Variants in ZKSCAN5 observed in about 807,000 individuals in gnomAD.
The protein encoded by ZKSCAN5 is zinc finger with KRAB and SCAN domains 5.
A neutral mutation model predicts 60.0 loss-of-function variants in ZKSCAN5; 28 were observed. That is an observed-to-expected ratio of 0.47 (90% CI 0.35 to 0.64). ZKSCAN5 has a LOEUF of 0.64. ZKSCAN5 is among the 30% of genes least tolerant of loss of function. The pLI is 0.01. For synonymous variants in ZKSCAN5, 361 were observed against 371.2 expected (o/e 0.97, Z 0.31); for missense variants, 881 against 1,034.6 (o/e 0.85, Z 2.04).
At position 99,533,253 on chromosome 7, in the gene ZKSCAN5, T is replaced by G; in HGVS notation, c.*1004T>G. ...AGCTGGGATTGAAAGTAATCAGTCG[T>G]GAGCAGGCAGGCAGGAGGTCCTGTT... On this transcript the variant is annotated 3_prime_UTR_variant, in exon 7 of 7. Coordinates refer to ENST00000326775, the MANE Select transcript of ZKSCAN5 (RefSeq NM_145102.4). 1 of 690,090 alleles carries G rather than the reference T, an allele frequency of 1.4e-6. No individual in the cohort carries two copies. Among genetic ancestry groups the G allele is most frequent in the South Asian group, 1.5e-5 (1 of 66,304 alleles). The allele number at this position is 690,090 out of a possible 1,614,324, so 42.7% of individuals were successfully genotyped here.
chr7:99,528,632 G>A (rs531637886), intron 6 of ZKSCAN5, among the ~76,000 whole-genome samples: 1 of 152,246 alleles, frequency 6.6e-6, no homozygotes, highest in South Asian at 2.1e-4. Flanking sequence ...TGGCTCTGTT[G>A]CCCAGGCTGG....
intron 2 of ZKSCAN5, among the ~76,000 whole-genome samples, chr7:99,510,527 C>T (rs1267658755): frequency 6.6e-6 from 1 of 152,074 alleles, no homozygotes; most frequent in Non-Finnish European, 1.5e-5. Context: ...TCACTGCAAC[C>T]TCCACCTCCC....
Position 99,534,529 on chromosome 7 carries a change from T to C in ZKSCAN5, c.*2280T>C, listed in dbSNP as rs747884117. ...CCGGTCTCTACTTAAAATACAAAAA[T>C]TAGCTGGGCATAGTGGCGCATGCCT... is the stretch of plus-strand genomic sequence containing the variant. On this transcript the variant is annotated 3_prime_UTR_variant, in exon 7 of 7. Transcript: ENST00000326775. The C allele has an allele frequency of 2.0e-5, 3 of 152,072 alleles. No homozygotes were observed. Among genetic ancestry groups the C allele is most frequent in the Non-Finnish European group, 4.4e-5 (3 of 68,092 alleles). The allele number at this position is 152,072 out of a possible 1,614,324, so 9.4% of individuals were successfully genotyped here. A position where few individuals can be genotyped will look rare whatever the true frequency, so the allele number is the denominator to read the frequency against.
intron 2 of ZKSCAN5, among the ~76,000 whole-genome samples, chr7:99,509,324 A>T (rs1800910480): frequency 6.6e-6 from 1 of 152,010 alleles, no homozygotes; most frequent in Admixed American, 6.6e-5. Flanking sequence ...GTGTTTCACC[A>T]TGTTGGCCAG....
intron 2 of ZKSCAN5, among the ~76,000 whole-genome samples, chr7:99,509,423 C>T (rs1391567158): frequency 6.6e-6 from 1 of 151,850 alleles, no homozygotes; most frequent in Non-Finnish European, 1.5e-5. Context: ...CACGCCTGAC[C>T]ATATCTGTGA....
intron 2 of ZKSCAN5, among the ~76,000 whole-genome samples, chr7:99,510,608 C>A (rs1584169086): frequency 6.6e-6 from 1 of 151,876 alleles, no homozygotes; most frequent in African/African-American, 2.4e-5. Context: ...CCACACCAGG[C>A]TAACTTTGTA....
In ZKSCAN5 at chr7:99,532,337, G is replaced by A. The variant is rs371704742; in HGVS notation, c.*88G>A. 65 of 1,309,320 alleles carry A rather than the reference G, an allele frequency of 5.0e-5. No individual in the cohort carries two copies. In the East Asian group the frequency reaches 8.0e-4, roughly 16 times the overall value. The allele number at this position is 1,309,320 out of a possible 1,614,324, so 81.1% of individuals were successfully genotyped here. A position where few individuals can be genotyped will look rare whatever the true frequency, so the allele number is the denominator to read the frequency against. On this transcript the variant is annotated 3_prime_UTR_variant, in exon 7 of 7. Transcript: ENST00000326775. ...TAACAACTTCAAGCATTTTTCCAGCGTTACCATCAAACTCACAAATAGGTT... is the reference window on the plus strand; with the variant it reads ...TAACAACTTCAAGCATTTTTCCAGCATTACCATCAAACTCACAAATAGGTT...
intron 6 of ZKSCAN5, among the ~76,000 whole-genome samples, chr7:99,529,046 T>C (rs1328691066): frequency 6.6e-6 from 1 of 152,200 alleles, no homozygotes; most frequent in African/African-American, 2.4e-5. Context: ...TCCTGACTCC[T>C]AGTCAGATAT....
In ZKSCAN5 at chr7:99,533,780, C is replaced by T. The variant is rs1374634523; in HGVS notation, c.*1531C>T. 5.0e-6 allele frequency: 2 copies of T among 397,130 alleles called. No homozygotes were observed. The highest frequency in any genetic ancestry group is 1.4e-4 in the South Asian group (1 of 7,038). 24.6% of individuals were successfully genotyped at this position (397,130 alleles called of 1,614,324 possible). A position where few individuals can be genotyped will look rare whatever the true frequency, so the allele number is the denominator to read the frequency against. On this transcript the variant is annotated 3_prime_UTR_variant, in exon 7 of 7. Coordinates refer to ENST00000326775, the MANE Select transcript of ZKSCAN5 (RefSeq NM_145102.4). ...CTCCCTTCTCTATCCTGTTTCATTCCCTCCCTCAAAGGCGTTTCCCAAATA... is the reference window on the plus strand; with the variant it reads ...CTCCCTTCTCTATCCTGTTTCATTCTCTCCCTCAAAGGCGTTTCCCAAATA...
intron 5 of ZKSCAN5, among the ~76,000 whole-genome samples, chr7:99,522,492 G>A (rs1286889889): frequency 7.1e-6 from 1 of 140,008 alleles, no homozygotes; most frequent in Non-Finnish European, 1.5e-5. Flanking sequence ...TTTTTTTTTT[G>A]AGACAGTGTC....
In ZKSCAN5 at chr7:99,532,045, C is replaced by G. The variant is rs534015128; in HGVS notation, c.2316C>G (p.Ser772=). The change falls in exon 7 of 7, where the codon TCC becomes TCG. Residue 772 remains serine, a synonymous_variant. Transcript: ENST00000326775. ...QHQKIYSSTK[S]HQCHECGRGF... ...AAAAAATCTACTCCAGCACAAAATC[C>G]CATCAATGTCATGAATGTGGCAGAG... 1 of 1,614,172 alleles carries G rather than the reference C, an allele frequency of 6.2e-7. No homozygotes were observed. Among genetic ancestry groups the G allele is most frequent in the African/African-American group, 1.3e-5 (1 of 75,032 alleles).
chr7:99,518,287 G>T (rs1421758035), intron 3 of ZKSCAN5, among the ~76,000 whole-genome samples: 2 of 151,924 alleles, frequency 1.3e-5, no homozygotes, highest in African/African-American at 4.8e-5. Flanking sequence ...CAAGCTTGGT[G>T]GTGCACACCT....
Position 99,532,164 on chromosome 7 carries a change from G to A in ZKSCAN5, c.2435G>A (p.Trp812Ter), listed in dbSNP as rs766611552. The A allele has an allele frequency of 6.2e-7, 1 of 1,613,502 alleles. No homozygotes were observed. The highest frequency in any genetic ancestry group is 1.1e-5 in the South Asian group (1 of 91,084). The change falls in exon 7 of 7, where the codon TGG becomes TAG. Residue 812 changes from tryptophan to a stop codon, truncating the protein, a stop_gained. Transcript: ENST00000326775. LOFTEE classifies it low-confidence loss of function (END_TRUNC). ...AAAGAATGTGGAATGAATTTCAGCT[G>A]GAGTTGTAGCCTCTTTAAACACCTG... ...QCKECGMNFSWSCSLFKHLRS... is the reference protein window; with the variant it reads ...QCKECGMNFS
chr7:99,523,988 A>T (rs1801659064), intron 5 of ZKSCAN5, among the ~76,000 whole-genome samples: 1 of 151,970 alleles, frequency 6.6e-6, no homozygotes, highest in African/African-American at 2.4e-5. Flanking sequence ...GCAAATGTTT[A>T]GCTCTTATTA....
intron 3 of ZKSCAN5, among the ~76,000 whole-genome samples, chr7:99,515,082 A>AAAAAAT (rs754142751): frequency 6.6e-6 from 1 of 151,872 alleles, no homozygotes; most frequent in South Asian, 2.1e-4. Flanking sequence ...CTGTCTCCAT[A>AAAAAAT]AAAAATAAAA....
chr7:99,525,184 A>C (rs908023509), intron 5 of ZKSCAN5, among the ~76,000 whole-genome samples: 6 of 147,410 alleles, frequency 4.1e-5, no homozygotes, highest in Non-Finnish European at 9.0e-5. Context: ...AAAAAAAAAG[A>C]ATATTGCCCA....
chr7:99,520,434 A>G, intron 5 of ZKSCAN5, 130 bp downstream of exon 5: 2 of 1,089,782 alleles, frequency 1.8e-6, no homozygotes, highest in South Asian at 3.8e-5. Flanking sequence ...TATTTTTTGT[A>G]AAAGAATAAA....
intron 5 of ZKSCAN5, among the ~76,000 whole-genome samples, chr7:99,524,736 A>G (rs1310944939): frequency 6.6e-6 from 1 of 152,212 alleles, no homozygotes; most frequent in Non-Finnish European, 1.5e-5. Context: ...TTTTAGATTA[A>G]TTCATACCAA....
chr7:99,519,737 A>G, intron 3 of ZKSCAN5, 90 bp from the exon 4 acceptor site: 3 of 1,323,620 alleles, frequency 2.3e-6, no homozygotes, highest in East Asian at 2.3e-5. Context: ...AGTAGGGGCC[A>G]TTATGGATTC....
Sources: allele counts gnomAD v4.1 joint callset (sites outside exome capture counted in the v4.1 genomes callset), GRCh38; gene constraint gnomAD v4.1.1; transcripts MANE v1.5; gene names NCBI Gene and HGNC (gene_info 2026-07-23, HGNC 2026-07-21).